Variants in SLC17A9 observed in about 807,000 individuals in gnomAD.
SLC17A9 encodes voltage-gated purine nucleotide uniporter SLC17A9.
Under a neutral mutation model 55.0 loss-of-function variants are expected in SLC17A9, and 49 were observed. The observed-to-expected ratio is 0.89, with a 90% CI of 0.71 to 1.13. SLC17A9 has a LOEUF of 1.13. SLC17A9 is among the 50% of genes most tolerant of loss of function. SLC17A9 has a pLI of 0.00. For missense variants in SLC17A9, 526 were observed against 569.3 expected (o/e 0.92, Z 0.77); for synonymous variants, 256 against 247.4 (o/e 1.03, Z -0.32).
chr20:62,965,690 A>G lies in SLC17A9; in HGVS notation c.1026A>G (p.Ala342=), dbSNP rs1256601362. The G allele has an allele frequency of 5.6e-6, 9 of 1,613,766 alleles. No individual in the cohort carries two copies. The highest frequency in any genetic ancestry group is 5.0e-5 in the Admixed American group (3 of 60,004). Residue 342 remains alanine, a synonymous_variant, in exon 10 of 13, where the codon GCA becomes GCG. Transcript: ENST00000370351. The part of the protein sequence containing the change: ...TSSFCESVVF[A]SASIGLQTFN... The stretch of plus-strand genomic sequence containing the variant: ...GCTTCTGTGAGTCTGTGGTCTTTGC[A>G]TCAGCCTCCATCGGCCTCCAGACCT...
chr20:62,957,002 C>T (rs376601231), intron 2 of SLC17A9, 40 bp downstream of exon 2: 17 of 1,611,024 alleles, frequency 1.1e-5, no homozygotes, highest in East Asian at 4.5e-5. Flanking sequence ...TGGTGGGGGC[C>T]GCCCCACTGG....
chr20:62,964,393 C>A, intron 8 of SLC17A9, 78 bp downstream of exon 8: 2 of 1,404,682 alleles, frequency 1.4e-6, no homozygotes, highest in Non-Finnish European at 2.0e-6. Context: ...ATGCTCCCAT[C>A]CTGGGGCTGC....
At chr20:62,967,165 G>T in intron 12 of SLC17A9, 172 bp from the exon 13 acceptor site, 1 of 764,388 alleles carries the variant, frequency 1.3e-6, no homozygotes, top group East Asian at 2.5e-5. Flanking sequence ...GACCCTCCAA[G>T]TCTGAGCCTG....
At chr20:62,957,686 G>T in intron 3 of SLC17A9, 106 bp downstream of exon 3, 1 of 1,023,300 alleles carries the variant, frequency 9.8e-7, no homozygotes, top group Non-Finnish European at 1.3e-6. Context: ...TGCAGGTGGT[G>T]TACAAGTGTG....
chr20:62,956,443 C>A (rs1019942001), intron 1 of SLC17A9, among the ~76,000 whole-genome samples: 2 of 152,158 alleles, frequency 1.3e-5, no homozygotes, highest in African/African-American at 4.8e-5. Context: ...GTCACCCTCT[C>A]CCCTGTTCTC....
Position 62,952,711 on chromosome 20 carries a change from AC to A in SLC17A9, c.-119del. The A allele has an allele frequency of 1.8e-6, 2 of 1,106,440 alleles. No individual in the cohort carries two copies. Among genetic ancestry groups the A allele is most frequent in the East Asian group, 2.9e-5 (1 of 34,936 alleles). The allele number at this position is 1,106,440 out of a possible 1,614,324, so 68.5% of individuals were successfully genotyped here. ...GGGCGACAAGTCCTGAGAGAACCAGACGGAAGCGCGCTGGGACTGACACGTG... is the reference window on the plus strand; with the variant it reads ...GGGCGACAAGTCCTGAGAGAACCAGAGGAAGCGCGCTGGGACTGACACGTG... On this transcript the variant is annotated 5_prime_UTR_variant, in exon 1 of 13. Coordinates refer to ENST00000370351, the MANE Select transcript of SLC17A9 (RefSeq NM_022082.4).
In SLC17A9 at chr20:62,957,556, C is replaced by T. The variant is rs977948939; in HGVS notation, c.373C>T (p.Arg125Cys). 7.6e-6 allele frequency: 12 copies of T among 1,586,928 alleles called. No individual in the cohort carries two copies. Among genetic ancestry groups the T allele is most frequent in the Admixed American group, 5.5e-5 (3 of 54,368 alleles). The change falls in exon 3 of 13, where the codon CGC becomes TGC. Residue 125 changes from arginine (R) to cysteine (C), a missense_variant. Physicochemically the swap from Arg to Cys is radical, Grantham distance 180. Coordinates refer to ENST00000370351, the MANE Select transcript of SLC17A9 (RefSeq NM_022082.4). ...SAHLAFMTFSRILMGLLQGVY... is the reference protein window; with the variant it reads ...SAHLAFMTFSCILMGLLQGVY... ...CCACCTGGCCTTCATGACCTTCTCA[C>T]GCATCCTCATGGGCTTGCTCCAAGG...
At chr20:62,955,219 T>C (rs530173396) in intron 1 of SLC17A9, among the ~76,000 whole-genome samples, 24 of 151,754 alleles carry the variant, frequency 1.6e-4, no homozygotes, top group African/African-American at 3.1e-4. Context: ...TTGATCTCGG[T>C]TCACTGCAAC....
In SLC17A9 at chr20:62,968,740, T is replaced by G. The variant is rs1049366112; in HGVS notation, c.*1240T>G. On this transcript the variant is annotated 3_prime_UTR_variant, in exon 13 of 13. Coordinates refer to ENST00000370351, the MANE Select transcript of SLC17A9 (RefSeq NM_022082.4). Reference sequence around the variant, plus strand: ...CAGGAACGGACTCCTAGGCCGGGAGTGTTGAAATGAGCATGCCAGCAGAGC... The same window carrying G: ...CAGGAACGGACTCCTAGGCCGGGAGGGTTGAAATGAGCATGCCAGCAGAGC... The G allele has an allele frequency of 6.6e-6, 1 of 150,870 alleles. No individual in the cohort carries two copies. The highest frequency in any genetic ancestry group is 1.5e-5 in the Non-Finnish European group (1 of 67,778). 9.3% of individuals were successfully genotyped at this position (150,870 alleles called of 1,614,324 possible). A position where few individuals can be genotyped will look rare whatever the true frequency, so the allele number is the denominator to read the frequency against.
chr20:62,966,847 G>C, intron 12 of SLC17A9, 115 bp downstream of exon 12: 2 of 1,349,690 alleles, frequency 1.5e-6, no homozygotes, highest in Non-Finnish European at 2.0e-6. Context: ...TGTCAGAGGA[G>C]GGCACAGACC....
intron 8 of SLC17A9, 70 bp downstream of exon 8, chr20:62,964,385 G>GGGAGCATC: frequency 2.0e-6 from 3 of 1,485,970 alleles, no homozygotes; most frequent in Non-Finnish European, 2.8e-6. Flanking sequence ...GGGGCAGGAT[G>GGGAGCATC]CTCCCATCCT....
At position 62,962,774 on chromosome 20, in the gene SLC17A9, C is replaced by A; in HGVS notation, c.628+20C>A. The A allele has an allele frequency of 1.2e-6, 2 of 1,612,316 alleles. No individual in the cohort carries two copies. Among genetic ancestry groups the A allele is most frequent in the Non-Finnish European group, 8.5e-7 (1 of 1,178,926 alleles). ...AAAAAGGTAACGCAGGCCGGGCGGG[C>A]TAGTCCCGGGCGCCCACAGCTGCCC... On this transcript the variant is annotated intron_variant, in intron 5 of 12. Coordinates refer to ENST00000370351, the MANE Select transcript of SLC17A9 (RefSeq NM_022082.4). This position sits in a 1 kb window ranked among gnomAD's most constrained non-coding sequence, Gnocchi z 5.5.
intron 7 of SLC17A9, 193 bp downstream of exon 7, chr20:62,963,873 A>G (rs1302278096): frequency 3.2e-6 from 2 of 615,640 alleles, no homozygotes; most frequent in African/African-American, 3.7e-5. Flanking sequence ...TCTGTGTTTG[A>G]GGCTGGAAAT....
rs2065560465 is a variant in SLC17A9, at chr20:62,958,360, C to T, written c.397+780C>T. Among the ~76,000 whole-genome samples the T allele has an allele frequency of 6.6e-6, 1 of 151,860 alleles. No homozygotes were observed. The highest frequency in any genetic ancestry group is 2.4e-5 in the African/African-American group (1 of 41,336). Reference sequence around the variant, plus strand: ...TTTGTGCATTTTGGTCACACGTATGCTGATGATGCCTCCGATACTAGGGCC... The same window carrying T: ...TTTGTGCATTTTGGTCACACGTATGTTGATGATGCCTCCGATACTAGGGCC... On this transcript the variant is annotated intron_variant, in intron 3 of 12. Coordinates refer to ENST00000370351, the MANE Select transcript of SLC17A9 (RefSeq NM_022082.4). The surrounding 1 kb of genome is among the most constrained non-coding windows in gnomAD (Gnocchi z 4.1).
chr20:62,965,865 C>T lies in SLC17A9; in HGVS notation c.1061+140C>T, dbSNP rs959690684. On this transcript the variant is annotated intron_variant, in intron 10 of 12. Transcript: ENST00000370351. ...CCCTTCCCAAGCTGCTGGGCAGTGA[C>T]TGCACTGAAGACCCAGTAGTTCTTT... 3.4e-5 allele frequency: 26 copies of T among 756,378 alleles called. No homozygotes were observed. In the East Asian group the frequency reaches 4.2e-4, roughly 12 times the overall value. The allele number at this position is 756,378 out of a possible 1,614,324, so 46.9% of individuals were successfully genotyped here. A position where few individuals can be genotyped will look rare whatever the true frequency, so the allele number is the denominator to read the frequency against.
chr20:62,959,749 CTGTT>C (rs1341515122), intron 3 of SLC17A9, among the ~76,000 whole-genome samples: 1 of 152,268 alleles, frequency 6.6e-6, no homozygotes, highest in African/African-American at 2.4e-5. Context: ...GTGTGGCCGT[CTGTT>C]TGACGATGCC....
chr20:62,963,879 G>A, intron 7 of SLC17A9, 199 bp downstream of exon 7: 1 of 608,028 alleles, frequency 1.6e-6, no homozygotes. Context: ...TTTGAGGCTG[G>A]AAATGATGCG....
In SLC17A9 at chr20:62,960,603, G is replaced by T; in HGVS notation, c.497G>T (p.Gly166Val). The change falls in exon 4 of 13, where the codon GGG becomes GTG. Residue 166 changes from glycine to valine, a missense_variant and splice_region_variant. Coordinates refer to ENST00000370351, the MANE Select transcript of SLC17A9 (RefSeq NM_022082.4). The stretch of plus-strand genomic sequence containing the variant: ...ATCGTGGGCGCCGGCTCCCAGTTTG[G>T]GTAAGTCCTGGCCTAAGACGGGGCC... ...YSIVGAGSQF[G>V]TLLTGAVGSL... The T allele has an allele frequency of 1.2e-6, 2 of 1,610,444 alleles. No homozygotes were observed. The highest frequency in any genetic ancestry group is 8.5e-7 in the Non-Finnish European group (1 of 1,179,178).
In SLC17A9 at chr20:62,957,481, T is replaced by A. The variant is rs1280637080; in HGVS notation, c.298T>A (p.Trp100Arg). ...EKVILLSASA[W>R]GSITAVTPLL... Reference sequence around the variant, plus strand: ...GGTCATCCTGCTGTCAGCCTCTGCCTGGGGCTCCATCACGGCCGTCACCCC... The same window carrying A: ...GGTCATCCTGCTGTCAGCCTCTGCCAGGGGCTCCATCACGGCCGTCACCCC... Residue 100 changes from tryptophan (W) to arginine (R), a missense_variant, in exon 3 of 13, where the codon TGG becomes AGG. Physicochemically the swap from Trp to Arg is moderately radical, Grantham distance 101 (BLOSUM62 -3). Coordinates refer to ENST00000370351, the MANE Select transcript of SLC17A9 (RefSeq NM_022082.4). The A allele has an allele frequency of 6.8e-6, 11 of 1,608,906 alleles. No homozygotes were observed. Among genetic ancestry groups the A allele is most frequent in the African/African-American group, 4.0e-5 (3 of 74,782 alleles).
Sources: gnomAD v4.1 joint callset for allele counts (sites outside exome capture counted in the v4.1 genomes callset) on GRCh38, gnomAD v4.1.1 for gene constraint, Gnocchi (gnomAD v3.1) non-coding constraint, MANE v1.5 for transcripts, NCBI Gene and HGNC (gene_info 2026-07-23, HGNC 2026-07-21) for gene names.